The following COL4A6 variants were observed in gnomAD, a reference collection of about 807,000 sequenced individuals.
COL4A6 encodes collagen type IV alpha 6 chain.
Under a neutral mutation model 126.7 loss-of-function variants are expected in COL4A6, and 59 were observed. The ratio of observed to expected loss-of-function variants is 0.47; its 90% CI spans 0.38 to 0.58. COL4A6 has a LOEUF of 0.58. Ranked by LOEUF, COL4A6 falls within the 20% of genes least tolerant of loss-of-function variation. The pLI is 0.00. For missense variants in COL4A6, 1,285 were observed against 1,337.3 expected (o/e 0.96, Z 0.61); for synonymous variants, 547 against 496.6 (o/e 1.10, Z -1.35).
chrX:108,323,380 G>C (rs187194816), intron 2 of COL4A6, among the ~76,000 whole-genome samples: 1 of 111,886 alleles, frequency 8.9e-6, no homozygotes, highest in East Asian at 2.8e-4. Flanking sequence ...CAGTCAAAAG[G>C]AGAAAGTGAG....
chrX:108,214,002 G>A (rs1485167891), intron 6 of COL4A6, 110 bp downstream of exon 6: 11 of 598,964 alleles, frequency 1.8e-5, no homozygotes, highest in Non-Finnish European at 2.8e-5. Context: ...GGACAAGGGT[G>A]TGTAGTGGCT....
chrX:108,368,090 T>C, intron 2 of COL4A6, among the ~76,000 whole-genome samples: 1 of 109,820 alleles, frequency 9.1e-6, no homozygotes, highest in East Asian at 2.9e-4. Context: ...TTTATATATA[T>C]AGTCATATGT....
At chrX:108,232,890 CCAAA>C (rs749299696) in intron 3 of COL4A6, among the ~76,000 whole-genome samples, 4 of 110,997 alleles carry the variant, frequency 3.6e-5, no homozygotes, top group South Asian at 7.6e-4. Context: ...CAATTGTCCA[CCAAA>C]CAAACAAACA....
Position 108,165,418 on chromosome X carries a change from C to A in COL4A6, c.3760G>T (p.Ala1254Ser), listed in dbSNP as rs145388022. 11,416 of 1,207,467 alleles carry A rather than the reference C, an allele frequency of 9.5e-3. 78 individuals are homozygous for A. The highest frequency in any genetic ancestry group is 9.8e-3 in the Non-Finnish European group (8,746 of 894,395). Residue 1254 changes from alanine (A) to serine (S), a missense_variant, in exon 38 of 45, where the codon GCA (alanine) becomes TCA (serine). Coordinates refer to ENST00000334504, the MANE Select transcript of COL4A6 (RefSeq NM_033641.4). ...APGISLPSLI[A>S]GQPGDPGRPG... ...CGCCCGGGGTCACCAGGCTGTCCTGCTATGAGTGAGGGCAAGGAGATGCCT... is the reference window on the plus strand; with the variant it reads ...CGCCCGGGGTCACCAGGCTGTCCTGATATGAGTGAGGGCAAGGAGATGCCT...
rs759410510 is a variant in COL4A6 at position 108,190,373 on chromosome X, C to A, written c.1426+19G>T. ...CTAAGGAGTTTGGAGGACCAAGAAA[C>A]TCAAGGGGACAAAATCACCTTTTAT... On this transcript the variant is annotated intron_variant, in intron 20 of 44. Transcript: ENST00000334504. The A allele has an allele frequency of 9.7e-6, 11 of 1,135,786 alleles. No individual in the cohort carries two copies. The highest frequency in any genetic ancestry group is 1.3e-5 in the Non-Finnish European group (11 of 832,484). 93.6% of individuals were successfully genotyped at this position (1,135,786 alleles called of 1,213,427 possible). A position where few individuals can be genotyped will look rare whatever the true frequency, so the allele number is the denominator to read the frequency against.
At chrX:108,283,837 A>T (rs995375008) in intron 3 of COL4A6, among the ~76,000 whole-genome samples, 2 of 111,519 alleles carry the variant, frequency 1.8e-5, no homozygotes, top group Non-Finnish European at 3.8e-5. Flanking sequence ...CAAGAAAAAA[A>T]GAGGGCTTGG....
intron 2 of COL4A6, among the ~76,000 whole-genome samples, chrX:108,410,003 G>C (rs2041294695): frequency 9.0e-6 from 1 of 111,718 alleles, no homozygotes; most frequent in Non-Finnish European, 1.9e-5. Flanking sequence ...CCCCGGGAAG[G>C]TGAGAAATTA....
At chrX:108,210,933 A>C (rs1180172310) in intron 7 of COL4A6, among the ~76,000 whole-genome samples, 1 of 111,709 alleles carries the variant, frequency 9.0e-6, no homozygotes, top group Non-Finnish European at 1.9e-5. Context: ...TCTATGCACT[A>C]ATGGAAGACA....
intron 2 of COL4A6, among the ~76,000 whole-genome samples, chrX:108,429,626 A>G (rs2064144602): frequency 8.9e-6 from 1 of 111,968 alleles, no homozygotes; most frequent in South Asian, 3.7e-4. Flanking sequence ...TCTCTGTACT[A>G]TTTTTTACAA....
rs1367076216 is a variant in COL4A6 at position 108,307,159 on chromosome X, A to G, written c.144+3589T>C. 2.7e-5 allele frequency among the ~76,000 whole-genome samples: 3 copies of G among 111,793 alleles called. No homozygotes were observed. The East Asian group carries it at 8.4e-4, about 31-fold the overall frequency. ...CAACCCGAAAGAATAGTTCTTCCAG[A>G]TAATAACACCTAACTCCTAAGAAAG... On this transcript the variant is annotated intron_variant, in intron 3 of 44. Coordinates refer to ENST00000334504, the MANE Select transcript of COL4A6 (RefSeq NM_033641.4).
chrX:108,283,756 T>A (rs1215754891), intron 3 of COL4A6, among the ~76,000 whole-genome samples: 1 of 111,251 alleles, frequency 9.0e-6, no homozygotes, highest in East Asian at 2.8e-4. Flanking sequence ...GCCTTTAAAA[T>A]CTACCATGAC....
In COL4A6 at chrX:108,221,423, A is replaced by C. The variant is rs1377928067; in HGVS notation, c.145-49T>G. The C allele has an allele frequency of 3.4e-6, 4 of 1,160,425 alleles. No individual in the cohort carries two copies. The Admixed American group carries it at 9.4e-5, about 27-fold the overall frequency. ...ATTAGTCAATAGAGGACTTAGCATT[A>C]ATACTTCTCATTTTCCCACGCACAA... On this transcript the variant is annotated intron_variant, in intron 3 of 44. Transcript: ENST00000334504.
intron 3 of COL4A6, among the ~76,000 whole-genome samples, chrX:108,283,679 A>G (rs1187161067): frequency 1.8e-5 from 2 of 110,910 alleles, no homozygotes; most frequent in Non-Finnish European, 3.8e-5. Context: ...TGATCATGTG[A>G]GATCTGACAT....
intron 3 of COL4A6, among the ~76,000 whole-genome samples, chrX:108,257,175 G>A (rs908907336): frequency 2.7e-5 from 3 of 111,887 alleles, no homozygotes; most frequent in African/African-American, 6.5e-5. Context: ...GGAACTGACC[G>A]GGTTTTGAGG....
intron 2 of COL4A6, among the ~76,000 whole-genome samples, chrX:108,321,428 GA>G (rs925372969): frequency 9.1e-6 from 1 of 110,280 alleles, no homozygotes; most frequent in Admixed American, 9.7e-5. Flanking sequence ...AAAAAGTCAG[GA>G]AAAAAAAGAT....
intron 38 of COL4A6, 73 bp downstream of exon 38, chrX:108,165,297 G>T: frequency 2.2e-6 from 2 of 912,132 alleles, no homozygotes; most frequent in Non-Finnish European, 3.2e-6. Context: ...ACTTGGCTGC[G>T]CTGTATACAT....
At chrX:108,405,005 A>T (rs751063412) in intron 2 of COL4A6, among the ~76,000 whole-genome samples, 8 of 110,959 alleles carry the variant, frequency 7.2e-5, no homozygotes, top group Non-Finnish European at 1.3e-4. Flanking sequence ...CAAAACAAAC[A>T]TACAATGGAA....
intron 3 of COL4A6, chrX:108,268,089 T>C (rs1322776687): frequency 8.9e-6 from 1 of 111,999 alleles, no homozygotes; most frequent in East Asian, 2.8e-4. Context: ...GTAACTTACC[T>C]GCCCATGAGC....
chrX:108,360,825 C>T (rs1289034616), intron 2 of COL4A6, among the ~76,000 whole-genome samples: 1 of 111,167 alleles, frequency 9.0e-6, no homozygotes, highest in East Asian at 2.8e-4. Flanking sequence ...TGTGAGCTAC[C>T]GCACCCGGCC....
Sources: allele counts gnomAD v4.1 joint callset (sites outside exome capture counted in the v4.1 genomes callset), GRCh38; gene constraint gnomAD v4.1.1; transcripts MANE v1.5; gene names NCBI Gene and HGNC (gene_info 2026-07-23, HGNC 2026-07-21).